Variants in CENPP observed in about 807,000 individuals in gnomAD.
CENPP encodes the protein centromere protein P.
CENPP carries 24 observed loss-of-function variants against 35.6 expected under a neutral mutation model. The ratio of observed to expected loss-of-function variants is 0.67; its 90% CI spans 0.49 to 0.95. The LOEUF (loss-of-function observed/expected upper bound fraction) is 0.95. Among genes scored for constraint, CENPP ranks in the 40% least tolerant of loss-of-function variants. The pLI, the probability that CENPP is intolerant of heterozygous loss-of-function variation, is 0.00. For synonymous variants in CENPP, 120 were observed against 125.5 expected (o/e 0.96, Z 0.29); for missense variants, 332 against 345.3 (o/e 0.96, Z 0.31).
In CENPP at chr9:92,615,774, T is replaced by C; in HGVS notation, c.*2625T>C. The stretch of plus-strand genomic sequence containing the variant: ...AGGTCACCCAACACAACAGAAAATA[T>C]CTCTATCATTCAGCCTTCACATTAT... On this transcript the variant is annotated 3_prime_UTR_variant, in exon 8 of 8. Transcript: ENST00000375587. 7.3e-7 allele frequency: 1 copy of C among 1,376,406 alleles called. No homozygotes were observed. Among genetic ancestry groups the C allele is most frequent in the Non-Finnish European group, 1.0e-6 (1 of 970,242 alleles). 85.3% of individuals were successfully genotyped at this position (1,376,406 alleles called of 1,614,324 possible).
intron 5 of CENPP, among the ~76,000 whole-genome samples, chr9:92,566,783 G>T (rs1406913554): frequency 6.6e-6 from 1 of 152,044 alleles, no homozygotes; most frequent in African/African-American, 2.4e-5. Context: ...AAGAAGACGA[G>T]AAAGAAAAAG....
chr9:92,355,830 ATAAGT>A (rs1425103011), intron 4 of CENPP, among the ~76,000 whole-genome samples: 1 of 152,242 alleles, frequency 6.6e-6, no homozygotes, highest in African/African-American at 2.4e-5. Flanking sequence ...CTGAGCAAAC[ATAAGT>A]TAAATATTTA....
chr9:92,345,915 T>A, intron 4 of CENPP, 128 bp downstream of exon 4: 1 of 583,950 alleles, frequency 1.7e-6, no homozygotes, highest in Non-Finnish European at 3.0e-6. Context: ...ACCACTGTTG[T>A]GCTTATATTT....
At chr9:92,352,205 A>C (rs1416999981) in intron 4 of CENPP, among the ~76,000 whole-genome samples, 1 of 150,110 alleles carries the variant, frequency 6.7e-6, no homozygotes, top group Non-Finnish European at 1.5e-5. Context: ...CCCTGTCTAT[A>C]CTAAAAATAC....
chr9:92,605,723 G>A (rs77811379), intron 5 of CENPP, among the ~76,000 whole-genome samples: 2 of 152,158 alleles, frequency 1.3e-5, no homozygotes, highest in African/African-American at 4.8e-5. Flanking sequence ...GTAAATCTCT[G>A]TGACTGTGAA....
chr9:92,475,242 GTAAAA>G (rs1226637974), intron 5 of CENPP, among the ~76,000 whole-genome samples: 3 of 152,070 alleles, frequency 2.0e-5, no homozygotes, highest in African/African-American at 7.2e-5. Context: ...AAGGGGAATA[GTAAAA>G]TAAAAGAGTA....
intron 5 of CENPP, among the ~76,000 whole-genome samples, chr9:92,451,469 T>C (rs1844707210): frequency 6.7e-6 from 1 of 150,358 alleles, no homozygotes; most frequent in African/African-American, 2.4e-5. Context: ...TCTGTTTTGG[T>C]ACCAGTACCA....
Position 92,595,840 on chromosome 9 carries a change from GCATGA to G in CENPP, c.565-15473_565-15469del, listed in dbSNP as rs538419224. Among the ~76,000 whole-genome samples, 1,012 of 152,278 alleles carry G rather than the reference GCATGA, an allele frequency of 6.6e-3. 10 individuals are homozygous for G. The highest frequency in any genetic ancestry group is 0.023 in the African/African-American group (965 of 41,562). On this transcript the variant is annotated intron_variant, in intron 5 of 7. Coordinates refer to ENST00000375587, the MANE Select transcript of CENPP (RefSeq NM_001012267.3). ...GCCTCCCAAAGGGCTGGGATTGAAGGCATGAGCCACCGCACCCAGCCTATTTCCTT... is the reference window on the plus strand; with the variant it reads ...GCCTCCCAAAGGGCTGGGATTGAAGGGCCACCGCACCCAGCCTATTTCCTT...
intron 5 of CENPP, among the ~76,000 whole-genome samples, chr9:92,602,848 T>G (rs535154160): frequency 4.0e-4 from 60 of 149,074 alleles, no homozygotes; most frequent in African/African-American, 1.4e-3. Flanking sequence ...TTTTTTTTTT[T>G]GGCGCAATTT....
rs113166511 is a variant in CENPP at position 92,375,548 on chromosome 9, G to T, written c.468-4215G>T. ...CCTGACCTTGAGATCCGCCCACCTCGGCCTCCCAAAGTGCTGGGATTACAG... is the reference window on the plus strand; with the variant it reads ...CCTGACCTTGAGATCCGCCCACCTCTGCCTCCCAAAGTGCTGGGATTACAG... On this transcript the variant is annotated intron_variant, in intron 4 of 7. Coordinates refer to ENST00000375587, the MANE Select transcript of CENPP (RefSeq NM_001012267.3). Among the ~76,000 whole-genome samples the T allele has an allele frequency of 2.6e-5, 4 of 151,636 alleles. No homozygotes were observed. The East Asian group carries it at 7.8e-4, about 29-fold the overall frequency.
intron 4 of CENPP, among the ~76,000 whole-genome samples, chr9:92,355,872 C>G: frequency 6.6e-6 from 1 of 152,202 alleles, no homozygotes; most frequent in East Asian, 1.9e-4. Flanking sequence ...GAAACTATTT[C>G]AATTCTTGTA....
At chr9:92,483,505 G>A (rs1315709643) in intron 5 of CENPP, among the ~76,000 whole-genome samples, 6 of 152,190 alleles carry the variant, frequency 3.9e-5, no homozygotes, top group African/African-American at 1.4e-4. Context: ...TGGGATTACA[G>A]GCATGAGCCA....
chr9:92,553,341 A>G (rs1849654012), intron 5 of CENPP, among the ~76,000 whole-genome samples: 1 of 152,054 alleles, frequency 6.6e-6, no homozygotes, highest in South Asian at 2.1e-4. Context: ...AGGTTGTGTG[A>G]TGTCTCCAGA....
intron 5 of CENPP, among the ~76,000 whole-genome samples, chr9:92,526,994 G>A (rs371321073): frequency 5.3e-5 from 8 of 151,914 alleles, no homozygotes; most frequent in African/African-American, 1.9e-4. Flanking sequence ...CCTATGTGTA[G>A]ATATGTTTAT....
chr9:92,494,354 A>C (rs1358531151), intron 5 of CENPP, among the ~76,000 whole-genome samples: 1 of 152,218 alleles, frequency 6.6e-6, no homozygotes, highest in Non-Finnish European at 1.5e-5. Flanking sequence ...AAGGGTTGTT[A>C]AATGGATGTG....
At chr9:92,387,968 TGCCCAG>T (rs1431142487) in intron 5 of CENPP, among the ~76,000 whole-genome samples, 1 of 151,274 alleles carries the variant, frequency 6.6e-6, no homozygotes, top group African/African-American at 2.4e-5. Flanking sequence ...TTCACCATGT[TGCCCAG>T]GCTGGTCTCG....
intron 5 of CENPP, among the ~76,000 whole-genome samples, chr9:92,537,089 T>A (rs1296348066): frequency 6.6e-6 from 1 of 151,578 alleles, no homozygotes; most frequent in East Asian, 2.0e-4. Context: ...TTGGCCAGGC[T>A]GGTCTCGAAC....
At chr9:92,424,146 A>C (rs934247228) in intron 5 of CENPP, 2 of 152,204 alleles carry the variant, frequency 1.3e-5, no homozygotes, top group African/African-American at 2.4e-5. Flanking sequence ...TATACTTTTA[A>C]ATTTTAACAG....
At chr9:92,484,255 C>T (rs1846002354) in intron 5 of CENPP, among the ~76,000 whole-genome samples, 1 of 152,172 alleles carries the variant, frequency 6.6e-6, no homozygotes, top group Non-Finnish European at 1.5e-5. Context: ...ATCCCAGCCT[C>T]ACACTCCATT....
Sources: gnomAD v4.1 joint callset for allele counts (sites outside exome capture counted in the v4.1 genomes callset) on GRCh38, gnomAD v4.1.1 for gene constraint, MANE v1.5 for transcripts, NCBI Gene and HGNC (gene_info 2026-07-23, HGNC 2026-07-21) for gene names.